The following UQCRC2 variants were observed in gnomAD, a reference collection of about 807,000 sequenced individuals.
The protein encoded by UQCRC2 is ubiquinol-cytochrome c reductase core protein 2.
A neutral mutation model predicts 55.6 loss-of-function variants in UQCRC2; 49 were observed. That is an observed-to-expected ratio of 0.88 (90% CI 0.70 to 1.12). UQCRC2 has a LOEUF of 1.12. Ranked by LOEUF, UQCRC2 falls within the 50% of genes most tolerant of loss-of-function variation. The pLI is 0.00. For synonymous variants in UQCRC2, 193 were observed against 192.0 expected (o/e 1.01, Z -0.04); for missense variants, 506 against 547.8 (o/e 0.92, Z 0.76).
intron 6 of UQCRC2, among the ~76,000 whole-genome samples, chr16:21,963,492 C>G (rs1898252866): frequency 6.6e-6 from 1 of 151,030 alleles, no homozygotes; most frequent in African/African-American, 2.4e-5. Flanking sequence ...GTTTTTGAGA[C>G]AGGGTGTTGC....
intron 8 of UQCRC2, among the ~76,000 whole-genome samples, chr16:21,970,690 A>G (rs984832103): frequency 6.6e-6 from 1 of 152,114 alleles, no homozygotes; most frequent in Non-Finnish European, 1.5e-5. Flanking sequence ...GGTTCAAGCA[A>G]TTCTCCGGCC....
At position 21,957,325 on chromosome 16, in the gene UQCRC2, C is replaced by A; in HGVS notation, c.117+7C>A. The A allele has an allele frequency of 6.2e-7, 1 of 1,613,980 alleles. No homozygotes were observed. The highest frequency in any genetic ancestry group is 2.2e-5 in the East Asian group (1 of 44,870). On this transcript the variant is annotated splice_region_variant and intron_variant, in intron 2 of 13. Transcript: ENST00000268379. ...ACAACCTCAGGACCTTGAGGTTAGT[C>A]CCACTAACTTGCTCGCTGGAAGCTA...
At chr16:21,955,534 A>G (rs1486418461) in intron 1 of UQCRC2, among the ~76,000 whole-genome samples, 1 of 152,210 alleles carries the variant, frequency 6.6e-6, no homozygotes, top group East Asian at 1.9e-4. Context: ...AATGATTTGT[A>G]TGGCATTGTA....
intron 4 of UQCRC2, among the ~76,000 whole-genome samples, chr16:21,961,668 A>ATATATATG (rs1321053912): frequency 1.7e-5 from 2 of 116,048 alleles, no homozygotes; most frequent in Non-Finnish European, 3.5e-5. Flanking sequence ...ATATATATAT[A>ATATATATG]TTTTAGACAG....
chr16:21,960,245 G>A (rs749952952), intron 4 of UQCRC2, among the ~76,000 whole-genome samples: 3 of 152,016 alleles, frequency 2.0e-5, no homozygotes, highest in East Asian at 1.9e-4. Context: ...TCTGGATAAC[G>A]TGCTGCAGCT....
chr16:21,979,457 A>G (rs1898663177), intron 12 of UQCRC2, among the ~76,000 whole-genome samples: 1 of 152,198 alleles, frequency 6.6e-6, no homozygotes, highest in Non-Finnish European at 1.5e-5. Flanking sequence ...ATAGCCTACT[A>G]CACACATGGG....
At chr16:21,976,509 T>G (rs1052625715) in intron 12 of UQCRC2, 2 of 341,286 alleles carry the variant, frequency 5.9e-6, no homozygotes, top group Non-Finnish European at 1.1e-5. Flanking sequence ...TTGGGCAACA[T>G]AGCAAGACCT....
intron 10 of UQCRC2, 103 bp from the exon 11 acceptor site, chr16:21,973,793 G>C (rs941464311): frequency 2.1e-6 from 2 of 953,568 alleles, no homozygotes; most frequent in Non-Finnish European, 3.3e-6. Flanking sequence ...AATCTATTTT[G>C]TTTATACCGT....
chr16:21,953,668 A>G (rs1898048547), intron 1 of UQCRC2, among the ~76,000 whole-genome samples: 1 of 152,106 alleles, frequency 6.6e-6, no homozygotes, highest in African/African-American at 2.4e-5. Context: ...GGAAACCTGA[A>G]GAGAGGGGCA....
At chr16:21,960,366 T>C (rs1898172808) in intron 4 of UQCRC2, among the ~76,000 whole-genome samples, 1 of 152,254 alleles carries the variant, frequency 6.6e-6, no homozygotes, top group South Asian at 2.1e-4. Flanking sequence ...CTTCTGCATC[T>C]CACCTCTCTC....
intron 13 of UQCRC2, 66 bp from the exon 14 acceptor site, chr16:21,983,022 G>T: frequency 7.6e-7 from 1 of 1,307,612 alleles, no homozygotes; most frequent in Non-Finnish European, 1.1e-6. Context: ...GACAAAATAA[G>T]TTCGCCTGCT....
In UQCRC2 at chr16:21,957,288, A is replaced by T; in HGVS notation, c.87A>T (p.Ala29=). The T allele has an allele frequency of 6.2e-7, 1 of 1,614,036 alleles. No homozygotes were observed. Among genetic ancestry groups the T allele is most frequent in the Non-Finnish European group, 8.5e-7 (1 of 1,179,964 alleles). The change falls in exon 2 of 14, where the codon GCA becomes GCT. Residue 29 remains alanine, a synonymous_variant. Transcript: ENST00000268379. ...AAGTTAAAGCCACAGCTGCGCCTGC[A>T]GGAGCACCGCCACAACCTCAGGACC... ...APKVKATAAP[A]GAPPQPQDLE... is the part of the protein sequence containing the mutation.
chr16:21,956,897 T>A (rs1472356516), intron 1 of UQCRC2, among the ~76,000 whole-genome samples: 1 of 151,976 alleles, frequency 6.6e-6, no homozygotes, highest in Non-Finnish European at 1.5e-5. Context: ...ACCCCATCTC[T>A]ACTAAAAAAT....
Position 21,983,452 on chromosome 16 carries a change from G to A in UQCRC2, c.*281G>A. 1 of 400,492 alleles carries A rather than the reference G, an allele frequency of 2.5e-6. No individual in the cohort carries two copies. The highest frequency in any genetic ancestry group is 1.0e-4 in the South Asian group (1 of 9,716). The allele number at this position is 400,492 out of a possible 1,614,324, so 24.8% of individuals were successfully genotyped here. A position where few individuals can be genotyped will look rare whatever the true frequency, so the allele number is the denominator to read the frequency against. Reference sequence around the variant, plus strand: ...AAGGAGACAGGAATATAATTATTGAGTATAGAAGCATCAGAAACTATTAAA... The same window carrying A: ...AAGGAGACAGGAATATAATTATTGAATATAGAAGCATCAGAAACTATTAAA... On this transcript the variant is annotated 3_prime_UTR_variant, in exon 14 of 14. Coordinates refer to ENST00000268379, the MANE Select transcript of UQCRC2 (RefSeq NM_003366.4).
chr16:21,974,005 C>G (rs1000633811), intron 11 of UQCRC2, 29 bp downstream of exon 11: 2 of 1,573,422 alleles, frequency 1.3e-6, no homozygotes, highest in Non-Finnish European at 1.7e-6. Flanking sequence ...AAACTTCTTT[C>G]ATGAACAAGT....
Position 21,962,480 on chromosome 16 carries a change from A to C in UQCRC2, c.353A>C (p.Asn118Thr), listed in dbSNP as rs1597954161. Residue 118 changes from asparagine to threonine, a missense_variant, in exon 5 of 14, where the codon AAC becomes ACC. Transcript: ENST00000268379. The stretch of plus-strand genomic sequence containing the variant: ...TTCAGTGTGACCGCAACAAGGGAAA[A>C]CATGGCTTATACTGTGGAATGCCTG... ...GKLSVTATRE[N>T]MAYTVECLRG... 1 of 1,614,144 alleles carries C rather than the reference A, an allele frequency of 6.2e-7. No homozygotes were observed. The highest frequency in any genetic ancestry group is 8.5e-7 in the Non-Finnish European group (1 of 1,180,024).
chr16:21,954,523 T>C (rs540969485), intron 1 of UQCRC2, among the ~76,000 whole-genome samples: 1 of 152,296 alleles, frequency 6.6e-6, no homozygotes, highest in South Asian at 2.1e-4. Context: ...GACCCCAACA[T>C]TTCCTTCTCC....
At position 21,980,626 on chromosome 16, in the gene UQCRC2, G is replaced by A. The variant is rs1233348558; in HGVS notation, c.1204G>A (p.Val402Ile). The change falls in exon 13 of 14, where the codon GTT (valine) becomes ATT (isoleucine). Residue 402 changes from valine to isoleucine, a missense_variant. By Grantham distance (29) the Val-to-Ile change is conservative. Transcript: ENST00000268379. The stretch of plus-strand genomic sequence containing the variant: ...GGAAGAAGTCGGGTCCCAGGCTCTA[G>A]TTGCTGGTTCTTACATGCCACCATC... The part of the protein sequence containing the change: ...FLEEVGSQAL[V>I]AGSYMPPSTV... 2.5e-6 allele frequency: 4 copies of A among 1,614,188 alleles called. No homozygotes were observed. In the East Asian group the frequency reaches 8.9e-5, roughly 36 times the overall value.
intron 11 of UQCRC2, among the ~76,000 whole-genome samples, 154 bp downstream of exon 11, chr16:21,974,130 A>G (rs938217711): frequency 6.6e-6 from 1 of 152,214 alleles, no homozygotes; most frequent in Non-Finnish European, 1.5e-5. Flanking sequence ...ATTATCTGCT[A>G]TAGGGAAATT....
Sources: gnomAD v4.1 joint callset for allele counts (sites outside exome capture counted in the v4.1 genomes callset) on GRCh38, gnomAD v4.1.1 for gene constraint, MANE v1.5 for transcripts, NCBI Gene and HGNC (gene_info 2026-07-23, HGNC 2026-07-21) for gene names.